QKI: variants seen among roughly 807,000 people sequenced by gnomAD.
QKI encodes KH domain-containing RNA-binding protein QKI.
Under a neutral mutation model 39.0 loss-of-function variants are expected in QKI, and 10 were observed. The ratio of observed to expected loss-of-function variants is 0.26; its 90% CI spans 0.16 to 0.43. The LOEUF (loss-of-function observed/expected upper bound fraction) is 0.43. Ranked by LOEUF, QKI falls within the 20% of genes least tolerant of loss-of-function variation. The pLI, the probability that QKI is intolerant of heterozygous loss-of-function variation, is 1.00. For synonymous variants in QKI, 204 were observed against 155.4 expected (o/e 1.31, Z -2.33); for missense variants, 218 against 428.0 (o/e 0.51, Z 4.33).
intron 3 of QKI, among the ~76,000 whole-genome samples, chr6:163,495,675 C>T (rs1643317647): frequency 6.6e-6 from 1 of 152,134 alleles, no homozygotes; most frequent in Non-Finnish European, 1.5e-5. Flanking sequence ...TCACAGATTA[C>T]ATTTATTTGC....
At chr6:163,524,474 AT>A (rs1780352050) in intron 3 of QKI, among the ~76,000 whole-genome samples, 1 of 150,620 alleles carries the variant, frequency 6.6e-6, no homozygotes, top group Non-Finnish European at 1.5e-5. Flanking sequence ...TCTTTTTTTT[AT>A]TTTTTGAGAT....
chr6:163,473,944 G>A (rs1792388071), intron 2 of QKI, among the ~76,000 whole-genome samples: 1 of 151,956 alleles, frequency 6.6e-6, no homozygotes, highest in African/African-American at 2.4e-5. Context: ...TCACCAGAAT[G>A]CCAGGAAACA....
intron 3 of QKI, among the ~76,000 whole-genome samples, chr6:163,480,731 A>G (rs938277816): frequency 6.6e-6 from 1 of 152,218 alleles, no homozygotes; most frequent in African/African-American, 2.4e-5. Flanking sequence ...GAACGTTGCC[A>G]TGAAGTTTTG....
intron 3 of QKI, among the ~76,000 whole-genome samples, chr6:163,523,373 A>G (rs760202529): frequency 1.1e-4 from 16 of 152,208 alleles, no homozygotes; most frequent in Non-Finnish European, 1.6e-4. Flanking sequence ...AGTATATTTT[A>G]TGTTACTTGC....
rs149280209 is a variant in QKI, at chr6:163,416,015, G to A, written c.142+680G>A. On this transcript the variant is annotated intron_variant, in intron 1 of 7. Transcript: ENST00000361752. ...ACTTTTTTCCCTTTTGTTTGGGGAAGCGAGAACTGTTAGGGAGTTGAACTT... is the reference window on the plus strand; with the variant it reads ...ACTTTTTTCCCTTTTGTTTGGGGAAACGAGAACTGTTAGGGAGTTGAACTT... 469 of 447,602 alleles carry A rather than the reference G, an allele frequency of 1.0e-3. 2 individuals are homozygous for A. Among genetic ancestry groups the A allele is most frequent in the African/African-American group, 9.1e-3 (436 of 48,066 alleles). The allele number at this position is 447,602 out of a possible 1,614,324, so 27.7% of individuals were successfully genotyped here. A position where few individuals can be genotyped will look rare whatever the true frequency, so the allele number is the denominator to read the frequency against.
intron 4 of QKI, among the ~76,000 whole-genome samples, chr6:163,555,521 A>G (rs905141977): frequency 1.3e-5 from 2 of 150,888 alleles, no homozygotes; most frequent in African/African-American, 4.9e-5. Context: ...AAAAAAAAAA[A>G]AAAAAAAAAG....
At position 163,562,052 on chromosome 6, in the gene QKI, A is replaced by G; in HGVS notation, c.617A>G (p.Asp206Gly). The change falls in exon 5 of 8, where the codon GAT becomes GGT. Residue 206 changes from aspartate to glycine, a missense_variant. Asp to Gly is a moderately conservative substitution (Grantham distance 94). This residue lies in a region of QKI where 117 missense variants were observed against 186.0 expected (regional missense o/e 0.63). Coordinates refer to ENST00000361752, the MANE Select transcript of QKI (RefSeq NM_006775.3). ...GCGATTCTGAATGGCACCTACAGAG[A>G]TGCCAACATTAAATCACGTAAGAAT... ...ELAILNGTYR[D>G]ANIKSPALAF... 6.2e-7 allele frequency: 1 copy of G among 1,612,632 alleles called. No homozygotes were observed. Among genetic ancestry groups the G allele is most frequent in the South Asian group, 1.1e-5 (1 of 90,928 alleles).
intron 4 of QKI, among the ~76,000 whole-genome samples, chr6:163,554,896 A>G (rs1782489960): frequency 6.6e-6 from 1 of 152,176 alleles, no homozygotes; most frequent in South Asian, 2.1e-4. Context: ...TCCATCCACA[A>G]AATAGCACAG....
chr6:163,562,245 ACT>A (rs1381094800), intron 5 of QKI, among the ~76,000 whole-genome samples, 176 bp downstream of exon 5: 1 of 152,146 alleles, frequency 6.6e-6, no homozygotes, highest in Non-Finnish European at 1.5e-5. Flanking sequence ...AATTGAGGAC[ACT>A]CTTGATTTTA....
intron 3 of QKI, among the ~76,000 whole-genome samples, chr6:163,517,085 C>T (rs12213328): frequency 0.14 from 11,508 of 79,370 alleles, 619 homozygotes; most frequent in African/African-American, 0.36. Context: ...CTCTCTTTCT[C>T]TCTCTCTCTC....
At chr6:163,517,328 G>A (rs1334304315) in intron 3 of QKI, among the ~76,000 whole-genome samples, 1 of 152,160 alleles carries the variant, frequency 6.6e-6, no homozygotes, top group Non-Finnish European at 1.5e-5. Context: ...TAATCTCCCT[G>A]TTGATTAACT....
chr6:163,447,392 T>C (rs1027923689), intron 1 of QKI, among the ~76,000 whole-genome samples: 1 of 152,122 alleles, frequency 6.6e-6, no homozygotes, highest in Non-Finnish European at 1.5e-5. Context: ...CTTTGAAATA[T>C]ACAATGTATT....
chr6:163,486,735 T>C (rs1311894302), intron 3 of QKI, among the ~76,000 whole-genome samples: 1 of 152,238 alleles, frequency 6.6e-6, no homozygotes, highest in African/African-American at 2.4e-5. Context: ...TAGATTGTTC[T>C]TCATGCAGTT....
At chr6:163,438,770 A>G (rs1024987755) in intron 1 of QKI, among the ~76,000 whole-genome samples, 6 of 152,162 alleles carry the variant, frequency 3.9e-5, no homozygotes, top group Admixed American at 2.0e-4. Flanking sequence ...TGAAAGTCCT[A>G]GGATACTACT....
At chr6:163,555,509 CAAAAAAAAAAA>C (rs55958646) in intron 4 of QKI, among the ~76,000 whole-genome samples, 1 of 79,392 alleles carries the variant, frequency 1.3e-5, no homozygotes, top group African/African-American at 5.3e-5. Flanking sequence ...AACTCCAGCT[CAAAAAAAAAAA>C]AAAAAAAAAA....
intron 2 of QKI, among the ~76,000 whole-genome samples, chr6:163,470,301 C>T (rs1009825143): frequency 5.3e-5 from 8 of 152,004 alleles, no homozygotes; most frequent in Non-Finnish European, 7.4e-5. Context: ...CTGATGGATA[C>T]GTACTTTAGG....
chr6:163,563,519 C>T lies in QKI; in HGVS notation c.734C>T (p.Thr245Met), dbSNP rs945806542. The change falls in exon 6 of 8, where the codon ACG becomes ATG. Residue 245 changes from threonine (T) to methionine (M), a missense_variant. This residue lies in a region of QKI where 117 missense variants were observed against 186.0 expected (regional missense o/e 0.63). Coordinates refer to ENST00000361752, the MANE Select transcript of QKI (RefSeq NM_006775.3). ...CCACCAGCTGCCCTGCGTACTCCTA[C>T]GCCAGCTGGCCCTACCATAATGCCT... is the stretch of plus-strand genomic sequence containing the variant. ...VLPPAALRTP[T>M]PAGPTIMPLI... 2 of 1,614,188 alleles carry T rather than the reference C, an allele frequency of 1.2e-6. No homozygotes were observed. The highest frequency in any genetic ancestry group is 1.1e-5 in the South Asian group (1 of 91,086).
intron 3 of QKI, among the ~76,000 whole-genome samples, chr6:163,499,369 C>A (rs745602223): frequency 6.6e-6 from 1 of 151,942 alleles, no homozygotes; most frequent in African/African-American, 2.4e-5. Flanking sequence ...GTTTTTTTGA[C>A]GATAAAGAGA....
At chr6:163,420,059 C>T (rs985938666) in intron 1 of QKI, among the ~76,000 whole-genome samples, 5 of 151,912 alleles carry the variant, frequency 3.3e-5, no homozygotes, top group Admixed American at 2.6e-4. Flanking sequence ...TATAATAAAA[C>T]CCTCATGCTT....
Sources: allele counts gnomAD v4.1 joint callset (sites outside exome capture counted in the v4.1 genomes callset), GRCh38; gene constraint gnomAD v4.1.1; regional missense constraint gnomAD v4.1.1; transcripts MANE v1.5; gene names NCBI Gene and HGNC (gene_info 2026-07-23, HGNC 2026-07-21).